CCDC73: variants seen among roughly 807,000 people sequenced by gnomAD.
CCDC73 encodes coiled-coil domain containing 73, also known as coiled-coil domain-containing protein 73.
Under a neutral mutation model 116.5 loss-of-function variants are expected in CCDC73, and 95 were observed. That is an observed-to-expected ratio of 0.82 (90% CI 0.69 to 0.97). The LOEUF (loss-of-function observed/expected upper bound fraction) is 0.97, where lower values mean the gene tolerates loss of function less well. Among genes scored for constraint, CCDC73 ranks in the 50% least tolerant of loss-of-function variants. CCDC73 has a pLI of 0.00. For missense variants in CCDC73, 1,066 were observed against 1,206.8 expected (o/e 0.88, Z 1.73); for synonymous variants, 398 against 401.3 (o/e 0.99, Z 0.10).
At chr11:32,702,741 C>T in intron 4 of CCDC73, 132 bp downstream of exon 4, 3 of 686,920 alleles carry the variant, frequency 4.4e-6, no homozygotes, top group East Asian at 2.5e-5. Flanking sequence ...TATTCATTTC[C>T]TACTTCCCAT....
Position 32,699,264 on chromosome 11 carries a change from A to G in CCDC73, c.377T>C (p.Leu126Ser). The change falls in exon 6 of 18, where the codon TTA becomes TCA. Residue 126 changes from leucine (L) to serine (S), a missense_variant. By Grantham distance (145) the Leu-to-Ser change is moderately radical. Coordinates refer to ENST00000335185, the MANE Select transcript of CCDC73 (RefSeq NM_001008391.4). The part of the protein sequence containing the change: ...EKEIEGLKET[L>S]KALQVSKYSL... Reference sequence around the variant, plus strand: ...AGTTATTTTTACCTGTAGTGCTTTTAATGTTTCCTTCAATCCTTCTATTTC... The same window carrying G: ...AGTTATTTTTACCTGTAGTGCTTTTGATGTTTCCTTCAATCCTTCTATTTC... The G allele has an allele frequency of 1.3e-6, 2 of 1,582,562 alleles. No homozygotes were observed. Among genetic ancestry groups the G allele is most frequent in the Non-Finnish European group, 1.7e-6 (2 of 1,160,722 alleles).
chr11:32,672,417 G>C (rs189138065), intron 9 of CCDC73, among the ~76,000 whole-genome samples: 19 of 152,196 alleles, frequency 1.2e-4, no homozygotes, highest in Admixed American at 5.2e-4. Flanking sequence ...AATTAGTACA[G>C]AATTTATGAG....
the CCDC73 span, among the ~76,000 whole-genome samples, chr11:32,821,078 CT>C: frequency 6.6e-6 from 1 of 152,094 alleles, no homozygotes; most frequent in Non-Finnish European, 1.5e-5. Context: ...ATTTATCAAT[CT>C]TTACATTTAT....
intron 14 of CCDC73, among the ~76,000 whole-genome samples, chr11:32,629,935 C>CAA (rs61061465): frequency 1.6e-5 from 2 of 123,352 alleles, no homozygotes; most frequent in African/African-American, 6.3e-5. Flanking sequence ...AAAAAAAAAA[C>CAA]AAAAAAAAAA....
intron 12 of CCDC73, among the ~76,000 whole-genome samples, chr11:32,650,758 A>G (rs547741815): frequency 6.6e-6 from 1 of 152,268 alleles, no homozygotes; most frequent in African/African-American, 2.4e-5. Flanking sequence ...GTTACATGAT[A>G]AGCCATAGAA....
intron 7 of CCDC73, among the ~76,000 whole-genome samples, chr11:32,677,321 A>G (rs1009599278): frequency 6.6e-6 from 1 of 152,142 alleles, no homozygotes; most frequent in African/African-American, 2.4e-5. Flanking sequence ...TCATTACAAC[A>G]TGGACTAAAC....
At chr11:32,659,756 T>C (rs1565068832) in intron 9 of CCDC73, among the ~76,000 whole-genome samples, 1 of 152,232 alleles carries the variant, frequency 6.6e-6, no homozygotes, top group South Asian at 2.1e-4. Context: ...ACCACAAAGT[T>C]AGGCAGGCTG....
chr11:32,703,036 C>T (rs1849827228), intron 3 of CCDC73, 92 bp from the exon 4 acceptor site: 7 of 844,440 alleles, frequency 8.3e-6, no homozygotes, highest in South Asian at 1.3e-5. Flanking sequence ...TAAAGTCAAC[C>T]ATACCTTCTA....
intron 1 of CCDC73, among the ~76,000 whole-genome samples, chr11:32,783,905 T>A (rs1024261242): frequency 4.6e-4 from 70 of 152,288 alleles, no homozygotes; most frequent in African/African-American, 1.5e-3. Flanking sequence ...CAGATTAAAG[T>A]GGTTTAATAG....
rs767637823 is a variant in CCDC73 at position 32,683,574 on chromosome 11, C to T, written c.391G>A (p.Val131Ile). 2.0e-6 allele frequency: 3 copies of T among 1,480,664 alleles called. No individual in the cohort carries two copies. Among genetic ancestry groups the T allele is most frequent in the Admixed American group, 1.8e-5 (1 of 56,268 alleles). The allele number at this position is 1,480,664 out of a possible 1,614,324, so 91.7% of individuals were successfully genotyped here. Reference sequence around the variant, plus strand: ...TTCTTCTGTAAAGAGTATTTAGAAACCTTGAAAAATAAGGGGGAAAAATCT... The same window carrying T: ...TTCTTCTGTAAAGAGTATTTAGAAATCTTGAAAAATAAGGGGGAAAAATCT... ...GLKETLKALQ[V>I]SKYSLQKKVS... The change falls in exon 7 of 18, where the codon GTT becomes ATT. Residue 131 changes from valine to isoleucine, a missense_variant and splice_region_variant. Coordinates refer to ENST00000335185, the MANE Select transcript of CCDC73 (RefSeq NM_001008391.4).
chr11:32,660,178 T>C (rs1007397232), intron 9 of CCDC73, among the ~76,000 whole-genome samples: 4 of 135,120 alleles, frequency 3.0e-5, no homozygotes, highest in Non-Finnish European at 6.1e-5. Flanking sequence ...ATCTTTTTTA[T>C]AAGCTGCTTG....
At chr11:32,603,312 C>A in intron 17 of CCDC73, 1 of 268,598 alleles carries the variant, frequency 3.7e-6, no homozygotes. Context: ...ACAGGAAGGG[C>A]AGTGAGATAT....
At chr11:32,638,759 G>T (rs909328941) in intron 13 of CCDC73, among the ~76,000 whole-genome samples, 7 of 152,114 alleles carry the variant, frequency 4.6e-5, no homozygotes, top group East Asian at 1.9e-4. Flanking sequence ...TTACAGGCAT[G>T]AGCCACCGTG....
chr11:32,767,937 A>G (rs1378847490), intron 1 of CCDC73, among the ~76,000 whole-genome samples: 6 of 152,222 alleles, frequency 3.9e-5, no homozygotes, highest in Non-Finnish European at 8.8e-5. Flanking sequence ...ATCTAGAACT[A>G]GAAATACCAT....
chr11:32,830,201 C>A, the CCDC73 span: 1,829 of 1,068,768 alleles, frequency 1.7e-3, 6 homozygotes, highest in Non-Finnish European at 2.0e-3. Flanking sequence ...AGGACCTCGG[C>A]GGGGAGGGGG....
At chr11:32,758,884 G>T (rs1403171045) in intron 2 of CCDC73, among the ~76,000 whole-genome samples, 2 of 152,004 alleles carry the variant, frequency 1.3e-5, no homozygotes, top group Non-Finnish European at 1.5e-5. Flanking sequence ...ATTTTTAGCA[G>T]AATTTCATCT....
At chr11:32,758,558 G>T in intron 2 of CCDC73, 2 of 441,974 alleles carry the variant, frequency 4.5e-6, no homozygotes, top group South Asian at 3.5e-5. Context: ...CTTCATCAAG[G>T]AGCAGAAAAT....
intron 13 of CCDC73, among the ~76,000 whole-genome samples, chr11:32,641,236 C>T (rs151037287): frequency 6.6e-6 from 1 of 152,044 alleles, no homozygotes; most frequent in African/African-American, 2.4e-5. Context: ...TTCATAAACT[C>T]ATAGTGACTT....
At chr11:32,693,702 A>G (rs1198501878) in intron 6 of CCDC73, among the ~76,000 whole-genome samples, 2 of 152,196 alleles carry the variant, frequency 1.3e-5, no homozygotes, top group Non-Finnish European at 2.9e-5. Context: ...CAGCACATCA[A>G]AAAGCTATCC....
Sources: gnomAD v4.1 joint callset for allele counts (sites outside exome capture counted in the v4.1 genomes callset) on GRCh38, gnomAD v4.1.1 for gene constraint, MANE v1.5 for transcripts, NCBI Gene and HGNC (gene_info 2026-07-23, HGNC 2026-07-21) for gene names.